The following ABCA1 variants were observed in gnomAD, a reference collection of about 807,000 sequenced individuals.
The protein encoded by ABCA1 is phospholipid-transporting ATPase ABCA1.
In ABCA1, 133 loss-of-function variants were observed where a neutral mutation model predicts 262.5. The observed-to-expected ratio is 0.51, with a 90% CI of 0.44 to 0.59. The LOEUF (loss-of-function observed/expected upper bound fraction) is 0.59. ABCA1 is among the 20% of genes least tolerant of loss of function. The pLI is 0.00. For synonymous variants in ABCA1, 1,022 were observed against 1,043.5 expected, an observed-to-expected ratio of 0.98 and a Z score of 0.40; for missense variants, 2,452 against 2,777.5, an observed-to-expected ratio of 0.88 and a Z score of 2.63.
rs1257814414 is a variant in ABCA1 at position 104,817,164 on chromosome 9, GC to G, written c.3535+167del. The G allele has an allele frequency of 2.0e-6, 2 of 977,634 alleles. No individual in the cohort carries two copies. The highest frequency in any genetic ancestry group is 2.4e-6 in the Non-Finnish European group (2 of 823,184). 60.6% of individuals were successfully genotyped at this position (977,634 alleles called of 1,614,324 possible). ...CCCCAGGCACCCCAGCAAGCATTAGGCCAACCCGCCACCAAGCTGCTCCCAC... is the reference window on the plus strand; with the variant it reads ...CCCCAGGCACCCCAGCAAGCATTAGGCAACCCGCCACCAAGCTGCTCCCAC... On this transcript the variant is annotated intron_variant, in intron 24 of 49. Transcript: ENST00000374736. This position sits in a 1 kb window ranked among gnomAD's most constrained non-coding sequence, Gnocchi z 4.7.
At chr9:104,919,507 G>A (rs1225354757) in intron 1 of ABCA1, among the ~76,000 whole-genome samples, 2 of 152,152 alleles carry the variant, frequency 1.3e-5, no homozygotes, top group Non-Finnish European at 2.9e-5. Flanking sequence ...AGCTACTCAG[G>A]AGGTTGAGGC....
chr9:104,905,567 C>T (rs1272018836), intron 1 of ABCA1, among the ~76,000 whole-genome samples: 1 of 152,224 alleles, frequency 6.6e-6, no homozygotes, highest in East Asian at 1.9e-4. Flanking sequence ...AAGTTTCTTA[C>T]TCCAAAAAGA....
At chr9:104,891,553 A>T (rs1025332270) in intron 2 of ABCA1, among the ~76,000 whole-genome samples, 1 of 151,866 alleles carries the variant, frequency 6.6e-6, no homozygotes, top group Non-Finnish European at 1.5e-5. Context: ...ACTCGAACCC[A>T]GAAGGCCTAG....
intron 5 of ABCA1, among the ~76,000 whole-genome samples, chr9:104,882,640 T>G (rs549704885): frequency 6.6e-6 from 1 of 152,400 alleles, no homozygotes; most frequent in South Asian, 2.1e-4. Context: ...AACTTTCACT[T>G]ATCCATATCA....
Position 104,915,420 on chromosome 9 carries a change from C to T in ABCA1, c.-92-11649G>A, listed in dbSNP as rs950477617. On this transcript the variant is annotated intron_variant, in intron 1 of 49. Coordinates refer to ENST00000374736, the MANE Select transcript of ABCA1 (RefSeq NM_005502.4). Reference sequence around the variant, plus strand: ...TTCTTTAGAATAACCAAAACAAACCCTCTCGCTGGCTGCCTCACTAAATTA... The same window carrying T: ...TTCTTTAGAATAACCAAAACAAACCTTCTCGCTGGCTGCCTCACTAAATTA... Among the ~76,000 whole-genome samples the T allele has an allele frequency of 1.4e-4, 21 of 152,304 alleles. 1 individual carries two copies. In the South Asian group the frequency reaches 4.1e-3, roughly 30 times the overall value.
At chr9:104,897,438 T>A (rs1840319860) in intron 2 of ABCA1, among the ~76,000 whole-genome samples, 2 of 152,212 alleles carry the variant, frequency 1.3e-5, no homozygotes. Flanking sequence ...GTATAGAATC[T>A]TTATAGTAAT....
chr9:104,880,888 T>C (rs1588491051), intron 5 of ABCA1, among the ~76,000 whole-genome samples: 1 of 152,146 alleles, frequency 6.6e-6, no homozygotes, highest in Non-Finnish European at 1.5e-5. Context: ...TGGTGGCTCA[T>C]GCCTGTAATC....
At chr9:104,859,614 C>T (rs1297478014) in intron 6 of ABCA1, among the ~76,000 whole-genome samples, 1 of 152,222 alleles carries the variant, frequency 6.6e-6, no homozygotes, top group African/African-American at 2.4e-5. Flanking sequence ...TTTTGAAATA[C>T]TGCAGAACAT....
chr9:104,910,001 T>C (rs1314565437), intron 1 of ABCA1, among the ~76,000 whole-genome samples: 1 of 152,300 alleles, frequency 6.6e-6, no homozygotes, highest in African/African-American at 2.4e-5. Context: ...TGTTTGCTTG[T>C]GCAGTAACAA....
At position 104,793,236 on chromosome 9, in the gene ABCA1, G is replaced by A. The variant is rs371988457; in HGVS notation, c.5571C>T (p.Ala1857=). ...TGAGGAAGAACACCACCCCTTCCACGGCCATGGCGAAGAGGTTTCGTCCCA... is the reference window on the plus strand; with the variant it reads ...TGAGGAAGAACACCACCCCTTCCACAGCCATGGCGAAGAGGTTTCGTCCCA... The part of the protein sequence containing the change: ...DLVGRNLFAM[A]VEGVVFFLIT... The change falls in exon 41 of 50, where the codon GCC becomes GCT. Residue 1857 remains alanine, a synonymous_variant. Transcript: ENST00000374736. The A allele has an allele frequency of 6.2e-6, 10 of 1,613,894 alleles. No individual in the cohort carries two copies. In the East Asian group the frequency reaches 6.7e-5, roughly 11 times the overall value.
intron 7 of ABCA1, among the ~76,000 whole-genome samples, chr9:104,850,075 G>C (rs1233976859): frequency 6.6e-6 from 1 of 152,142 alleles, no homozygotes; most frequent in Non-Finnish European, 1.5e-5. Context: ...ATAGAACCTG[G>C]AGTCAGCACG....
intron 48 of ABCA1, 115 bp downstream of exon 48, chr9:104,786,183 C>T (rs1190981690): frequency 1.1e-6 from 1 of 881,030 alleles, no homozygotes; most frequent in East Asian, 2.5e-5. Context: ...TTCCACTATA[C>T]TGTTTTGCTC....
At chr9:104,863,380 T>A (rs1168347208) in intron 5 of ABCA1, among the ~76,000 whole-genome samples, 1 of 152,188 alleles carries the variant, frequency 6.6e-6, no homozygotes, top group Non-Finnish European at 1.5e-5. Context: ...CAGGACCACA[T>A]GAACTGAGCC....
At chr9:104,916,780 A>T (rs1841870087) in intron 1 of ABCA1, among the ~76,000 whole-genome samples, 1 of 152,182 alleles carries the variant, frequency 6.6e-6, no homozygotes, top group African/African-American at 2.4e-5. Context: ...CCTGGGTTCA[A>T]GCAATTCTCC....
rs759070628 is a variant in ABCA1, at chr9:104,785,489, T to C, written c.6552A>G (p.Leu2184=). The C allele has an allele frequency of 2.0e-5, 32 of 1,611,212 alleles. No individual in the cohort carries two copies. In the South Asian group the frequency reaches 3.4e-4, roughly 17 times the overall value. The change falls in exon 49 of 50, where the codon TTA becomes TTG. Residue 2184 remains leucine (L), a synonymous_variant. Transcript: ENST00000374736. ...TGCTGAATATCCTGGCCAGAGAAGA[T>C]AATGAAGATGGAAGCTGGTATTGTA... ...NMLQYQLPSS[L]SSLARIFSIL...
chr9:104,842,984 T>C (rs551781056), intron 8 of ABCA1, among the ~76,000 whole-genome samples: 20 of 152,196 alleles, frequency 1.3e-4, no homozygotes, highest in Non-Finnish European at 2.8e-4. Context: ...CTAGCATCAA[T>C]GTCTTTGTAT....
At position 104,804,650 on chromosome 9, in the gene ABCA1, G is replaced by A. The variant is rs762950948; in HGVS notation, c.4535C>T (p.Thr1512Met). 29 of 1,614,026 alleles carry A rather than the reference G, an allele frequency of 1.8e-5. No individual in the cohort carries two copies. Among genetic ancestry groups the A allele is most frequent in the African/African-American group, 6.7e-5 (5 of 74,924 alleles). ...GRNISDYLVK[T>M]YVQIIAKSLK... ...CCTTTTGGCTATGATCTGCACATAC[G>A]TCTTCACCAGATAATCCGAAATGTT... is the stretch of plus-strand genomic sequence containing the variant. The change falls in exon 32 of 50, where the codon ACG becomes ATG. Residue 1512 changes from threonine (T) to methionine (M), a missense_variant. Thr to Met is a moderately conservative substitution (Grantham distance 81). Around this residue, in one of 4 missense-constraint regions of ABCA1, gnomAD observed 752 missense variants for 944.5 expected, o/e 0.80. Transcript: ENST00000374736.
At chr9:104,861,407 G>C in intron 6 of ABCA1, 1 of 595,062 alleles carries the variant, frequency 1.7e-6, no homozygotes, top group Non-Finnish European at 3.0e-6. Flanking sequence ...TGTATCCCTT[G>C]TAGGAGGAAA....
Position 104,858,527 on chromosome 9 carries a change from T to G in ABCA1, c.715A>C (p.Ile239Leu). 1 of 1,613,800 alleles carries G rather than the reference T, an allele frequency of 6.2e-7. No individual in the cohort carries two copies. The highest frequency in any genetic ancestry group is 8.5e-7 in the Non-Finnish European group (1 of 1,180,034). ...LRSNMDILKP[I>L]LRTLNSTSPF... ...CAGTGAGCAAGTCTACTCACCAGGA[T>G]TGGCTTCAGGATGTCCATGTTGGAA... The change falls in exon 7 of 50, where the codon ATC becomes CTC. Residue 239 changes from isoleucine (I) to leucine (L), a missense_variant. Around this residue, in one of 4 missense-constraint regions of ABCA1, gnomAD observed 1,032 missense variants for 1,089.7 expected, o/e 0.95. Transcript: ENST00000374736.
Sources: allele counts gnomAD v4.1 joint callset (sites outside exome capture counted in the v4.1 genomes callset), GRCh38; gene constraint gnomAD v4.1.1; regional missense constraint gnomAD v4.1.1; non-coding constraint Gnocchi (gnomAD v3.1); transcripts MANE v1.5; gene names NCBI Gene and HGNC (gene_info 2026-07-23, HGNC 2026-07-21).